FGF20: variants seen among roughly 807,000 people sequenced by gnomAD.
FGF20 encodes fibroblast growth factor 20.
In FGF20, 8 loss-of-function variants were observed where a neutral mutation model predicts 16.7. That is an observed-to-expected ratio of 0.48 (90% CI 0.28 to 0.87). The LOEUF (loss-of-function observed/expected upper bound fraction) is 0.87. Ranked by LOEUF, FGF20 falls within the 40% of genes least tolerant of loss-of-function variation. The probability of loss-of-function intolerance (pLI) is 0.10; values close to 1 mark genes in which losing one functional copy is unlikely to be tolerated. For synonymous variants in FGF20, 161 were observed against 118.6 expected (o/e 1.36, Z -2.32); for missense variants, 397 against 281.4 (o/e 1.41, Z -2.94).
chr8:17,001,974 T>C lies in FGF20; in HGVS notation c.59A>G (p.Gln20Arg). 1 of 1,513,062 alleles carries C rather than the reference T, an allele frequency of 6.6e-7. No individual in the cohort carries two copies. Among genetic ancestry groups the C allele is most frequent in the Non-Finnish European group, 8.8e-7 (1 of 1,131,426 alleles). The allele number at this position is 1,513,062 out of a possible 1,614,324, so 93.7% of individuals were successfully genotyped here. A position where few individuals can be genotyped will look rare whatever the true frequency, so the allele number is the denominator to read the frequency against. Residue 20 changes from glutamine (Q) to arginine (R), a missense_variant, in exon 1 of 3, where the codon CAG becomes CGG. Coordinates refer to ENST00000180166, the MANE Select transcript of FGF20 (RefSeq NM_019851.3). ...AGGCAACAGGAAATGCGAACCCACC[T>C]GCTGGCCCAAGCCCTCCAGGCCGCC... ...FLGGLEGLGQ[Q>R]VGSHFLLPPA...
At chr8:17,001,014 C>T (rs1810167409) in intron 1 of FGF20, among the ~76,000 whole-genome samples, 1 of 152,094 alleles carries the variant, frequency 6.6e-6, no homozygotes, top group African/African-American at 2.4e-5. Flanking sequence ...TAGGCATGCT[C>T]AGTAGCCGGG....
At chr8:16,997,738 T>C (rs942974578) in intron 1 of FGF20, among the ~76,000 whole-genome samples, 14 of 152,012 alleles carry the variant, frequency 9.2e-5, no homozygotes, top group African/African-American at 7.2e-5. Flanking sequence ...TAATGACAAA[T>C]ACAGAGGTGG....
chr8:16,996,148 A>G (rs1269445234), intron 1 of FGF20, among the ~76,000 whole-genome samples: 1 of 151,086 alleles, frequency 6.6e-6, no homozygotes, highest in Non-Finnish European at 1.5e-5. Flanking sequence ...GTTAACAGGA[A>G]CCTCGAACCT....
chr8:16,993,119 G>T lies in FGF20; in HGVS notation c.589C>A (p.Pro197Thr). ...FTHFLPRPVDPERVPELYKDL... is the reference protein window; with the variant it reads ...FTHFLPRPVDTERVPELYKDL... Reference sequence around the variant, plus strand: ...TTGTACAATTCTGGAACTCTTTCTGGATCCACTGGTCTAGGTAAGAAATGT... The same window carrying T: ...TTGTACAATTCTGGAACTCTTTCTGTATCCACTGGTCTAGGTAAGAAATGT... The change falls in exon 3 of 3, where the codon CCA becomes ACA. Residue 197 changes from proline to threonine, a missense_variant. Coordinates refer to ENST00000180166, the MANE Select transcript of FGF20 (RefSeq NM_019851.3). 6.2e-7 allele frequency: 1 copy of T among 1,614,000 alleles called. No homozygotes were observed. The highest frequency in any genetic ancestry group is 1.1e-5 in the South Asian group (1 of 91,074).
intron 2 of FGF20, 37 bp from the exon 3 acceptor site, chr8:16,993,354 AT>A (rs766580778): frequency 1.3e-6 from 2 of 1,543,708 alleles, no homozygotes; most frequent in Admixed American, 2.1e-5. Flanking sequence ...TTTTAAAAAA[AT>A]ACCTTTGAGA....
chr8:16,996,817 G>T (rs1371916218), intron 1 of FGF20, among the ~76,000 whole-genome samples: 2 of 152,140 alleles, frequency 1.3e-5, no homozygotes, highest in Non-Finnish European at 2.9e-5. Flanking sequence ...TTGCCTAAGG[G>T]ACATGATATT....
At chr8:16,997,140 T>A (rs577823319) in intron 1 of FGF20, among the ~76,000 whole-genome samples, 1 of 152,350 alleles carries the variant, frequency 6.6e-6, no homozygotes, top group South Asian at 2.1e-4. Flanking sequence ...CTAAATACAC[T>A]GATAAACCAC....
intron 1 of FGF20, among the ~76,000 whole-genome samples, chr8:16,996,284 A>T (rs1810042926): frequency 6.6e-6 from 1 of 152,154 alleles, no homozygotes; most frequent in Non-Finnish European, 1.5e-5. Context: ...TTTTAACTGA[A>T]CTAAGGAGAA....
intron 2 of FGF20, 118 bp downstream of exon 2, chr8:16,995,537 T>A: frequency 2.2e-6 from 1 of 456,804 alleles, no homozygotes; most frequent in Non-Finnish European, 3.8e-6. Flanking sequence ...TTTCAATTTC[T>A]ACGTAAGTAT....
At chr8:16,996,057 A>T (rs10088536) in intron 1 of FGF20, among the ~76,000 whole-genome samples, 1 of 152,106 alleles carries the variant, frequency 6.6e-6, no homozygotes, top group South Asian at 2.1e-4. Context: ...TGGGAAGTTG[A>T]CACCCTTTGC....
At position 16,993,219 on chromosome 8, in the gene FGF20, G is replaced by A. The variant is rs1809957395; in HGVS notation, c.489C>T (p.Arg163=). Residue 163 remains arginine (R), a synonymous_variant, in exon 3 of 3, where the codon CGC becomes CGT. Coordinates refer to ENST00000180166, the MANE Select transcript of FGF20 (RefSeq NM_019851.3). The part of the protein sequence containing the change: ...SNIYKHGDTG[R]RYFVALNKDG... The stretch of plus-strand genomic sequence containing the variant: ...CTTTGTTAAGTGCCACAAAATACCT[G>A]CGGCCAGTGTCTCCATGTTTATATA... 6.2e-7 allele frequency: 1 copy of A among 1,614,084 alleles called. No individual in the cohort carries two copies. The highest frequency in any genetic ancestry group is 2.2e-5 in the East Asian group (1 of 44,876).
At chr8:17,001,546 C>A (rs561910773) in intron 1 of FGF20, among the ~76,000 whole-genome samples, 14 of 152,274 alleles carry the variant, frequency 9.2e-5, no homozygotes, top group Middle Eastern at 3.4e-3. Context: ...CGGCGACAAA[C>A]CAGCAGGAAA....
In FGF20 at chr8:16,995,647, A is replaced by G. The variant is rs1157141884; in HGVS notation, c.390+8T>C. The G allele has an allele frequency of 1.6e-6, 2 of 1,272,492 alleles. No homozygotes were observed. The highest frequency in any genetic ancestry group is 1.5e-5 in the African/African-American group (1 of 66,886). 78.8% of individuals were successfully genotyped at this position (1,272,492 alleles called of 1,614,324 possible). A position where few individuals can be genotyped will look rare whatever the true frequency, so the allele number is the denominator to read the frequency against. On this transcript the variant is annotated splice_region_variant and intron_variant, in intron 2 of 2. Coordinates refer to ENST00000180166, the MANE Select transcript of FGF20 (RefSeq NM_019851.3). ...ACAATAATAATAAAAAATAAAAATA[A>G]TACGTACTGATCCATAGAGTTCTCC...
intron 2 of FGF20, 62 bp downstream of exon 2, chr8:16,995,592 AC>A: frequency 1.5e-6 from 1 of 668,648 alleles, no homozygotes. Context: ...CATTTTAATT[AC>A]ATAATAGATA....
intron 1 of FGF20, among the ~76,000 whole-genome samples, chr8:17,001,421 T>TGATGC (rs1810178184): frequency 6.6e-6 from 1 of 151,976 alleles, no homozygotes; most frequent in Admixed American, 6.6e-5. Flanking sequence ...GTGCACCAGG[T>TGATGC]CTTGGTGTCC....
intron 2 of FGF20, among the ~76,000 whole-genome samples, chr8:16,995,105 C>T (rs1810013030): frequency 6.6e-6 from 1 of 152,114 alleles, no homozygotes; most frequent in Admixed American, 6.5e-5. Context: ...TAAAAATTGC[C>T]CGATACAACT....
chr8:16,994,674 T>C (rs1451089833), intron 2 of FGF20, among the ~76,000 whole-genome samples: 2 of 152,196 alleles, frequency 1.3e-5, no homozygotes, highest in African/African-American at 2.4e-5. Flanking sequence ...CTGAATATTG[T>C]GGTTCCAGTT....
Position 16,993,244 on chromosome 8 carries a change from A to C in FGF20, c.464T>G (p.Ile155Arg), listed in dbSNP as rs768990128. Residue 155 changes from isoleucine to arginine, a missense_variant, in exon 3 of 3, where the codon ATA becomes AGA. Ile to Arg is a moderately conservative substitution (Grantham distance 97, BLOSUM62 -3). Transcript: ENST00000180166. ...ENWYNTYSSN[I>R]YKHGDTGRRY... The stretch of plus-strand genomic sequence containing the variant: ...GCGGCCAGTGTCTCCATGTTTATAT[A>C]TGTTAGATGAATAGGTGTTATACCA... 6 of 1,614,014 alleles carry C rather than the reference A, an allele frequency of 3.7e-6. No homozygotes were observed. In the African/African-American group the frequency reaches 8.0e-5, roughly 22 times the overall value.
intron 1 of FGF20, among the ~76,000 whole-genome samples, chr8:16,999,707 A>AT (rs1158401719): frequency 9.5e-6 from 1 of 104,730 alleles, no homozygotes; most frequent in Non-Finnish European, 1.9e-5. Flanking sequence ...TTTTTTTTGT[A>AT]TTTTTTGTAT....
Sources: gnomAD v4.1 joint callset for allele counts (sites outside exome capture counted in the v4.1 genomes callset) on GRCh38, gnomAD v4.1.1 for gene constraint, MANE v1.5 for transcripts, NCBI Gene and HGNC (gene_info 2026-07-23, HGNC 2026-07-21) for gene names.